Variants in SHC4 observed in about 807,000 individuals in gnomAD.
SHC4 encodes SHC adaptor protein 4, also known as SHC-transforming protein 4.
SHC4 carries 41 observed loss-of-function variants against 69.4 expected under a neutral mutation model. The ratio of observed to expected loss-of-function variants is 0.59; its 90% CI spans 0.46 to 0.77. SHC4 has a LOEUF of 0.77. Among genes scored for constraint, SHC4 ranks in the 30% least tolerant of loss-of-function variants. The probability of loss-of-function intolerance (pLI) is 0.00; values close to 1 mark genes in which losing one functional copy is unlikely to be tolerated. For synonymous variants in SHC4, 318 were observed against 299.3 expected (o/e 1.06, Z -0.64); for missense variants, 777 against 783.8 (o/e 0.99, Z 0.10).
At chr15:48,924,746 G>A (rs751734170) in intron 2 of SHC4, 133 bp downstream of exon 2, 3 of 852,016 alleles carry the variant, frequency 3.5e-6, no homozygotes, top group African/African-American at 1.7e-5. Flanking sequence ...GTCACTGGGC[G>A]AGCCTTCTAC....
chr15:48,896,496 T>G (rs1235539453), intron 2 of SHC4, among the ~76,000 whole-genome samples: 1 of 152,086 alleles, frequency 6.6e-6, no homozygotes, highest in African/African-American at 2.4e-5. Flanking sequence ...AATTTTTGTA[T>G]TTTTAGTAGA....
At chr15:48,878,541 A>G (rs775595291) in intron 4 of SHC4, 45 of 1,613,954 alleles carry the variant, frequency 2.8e-5, no homozygotes, top group Non-Finnish European at 3.6e-5. Flanking sequence ...GGTGCCGGCT[A>G]CAGAGTATCA....
At chr15:48,826,663 T>C (rs1175730360) in intron 11 of SHC4, among the ~76,000 whole-genome samples, 7 of 152,226 alleles carry the variant, frequency 4.6e-5, no homozygotes, top group Non-Finnish European at 7.3e-5. Flanking sequence ...TGCAGTATTA[T>C]TGTTTGGTAT....
At chr15:48,960,638 A>T (rs1901532147) in intron 1 of SHC4, among the ~76,000 whole-genome samples, 1 of 152,000 alleles carries the variant, frequency 6.6e-6, no homozygotes, top group Admixed American at 6.5e-5. Flanking sequence ...GTCTGTTTGT[A>T]ATACTGAGAT....
intron 1 of SHC4, among the ~76,000 whole-genome samples, chr15:48,944,487 G>A (rs1693121983): frequency 6.6e-6 from 1 of 152,078 alleles, no homozygotes; most frequent in South Asian, 2.1e-4. Flanking sequence ...TATGATGCTG[G>A]GTGCTCTAGC....
At chr15:48,848,319 G>A (rs757189823) in intron 9 of SHC4, among the ~76,000 whole-genome samples, 8 of 152,068 alleles carry the variant, frequency 5.3e-5, no homozygotes, top group African/African-American at 1.2e-4. Flanking sequence ...AGTGATTTAC[G>A]GGGGAGCAAA....
chr15:48,955,411 G>A (rs1322974312), intron 1 of SHC4, among the ~76,000 whole-genome samples: 1 of 152,114 alleles, frequency 6.6e-6, no homozygotes, highest in Non-Finnish European at 1.5e-5. Context: ...TCCAGGCTTG[G>A]TTCGGTCCCT....
At chr15:48,836,085 T>TG (rs1389835259) in intron 10 of SHC4, among the ~76,000 whole-genome samples, 3 of 148,222 alleles carry the variant, frequency 2.0e-5, no homozygotes, top group African/African-American at 7.5e-5. Flanking sequence ...CCCAGCTACT[T>TG]GGGGGGCTGA....
intron 1 of SHC4, among the ~76,000 whole-genome samples, chr15:48,955,116 C>A (rs747551454): frequency 6.6e-6 from 1 of 152,132 alleles, no homozygotes; most frequent in Non-Finnish European, 1.5e-5. Context: ...TTTCCTGCAG[C>A]CCCCAGTACT....
intron 1 of SHC4, among the ~76,000 whole-genome samples, chr15:48,957,913 A>T (rs2141042919): frequency 6.6e-6 from 1 of 152,374 alleles, no homozygotes; most frequent in African/African-American, 2.4e-5. Flanking sequence ...GATTGGAGTG[A>T]TGCATCTACA....
At chr15:48,887,821 T>C (rs1392322043) in intron 3 of SHC4, among the ~76,000 whole-genome samples, 1 of 152,160 alleles carries the variant, frequency 6.6e-6, no homozygotes, top group Non-Finnish European at 1.5e-5. Context: ...AGTGAAGACA[T>C]TACTACCAAT....
At chr15:48,913,493 G>T (rs1205662689) in intron 2 of SHC4, among the ~76,000 whole-genome samples, 1 of 152,122 alleles carries the variant, frequency 6.6e-6, no homozygotes, top group African/African-American at 2.4e-5. Context: ...AGCGACAGGG[G>T]CTTGAAAACC....
chr15:48,842,389 C>A (rs1361586057), intron 10 of SHC4, among the ~76,000 whole-genome samples: 1 of 152,168 alleles, frequency 6.6e-6, no homozygotes, highest in Non-Finnish European at 1.5e-5. Context: ...GCCTTGACAG[C>A]CCTACTTTCA....
chr15:48,918,434 C>A (rs572038416), intron 2 of SHC4, among the ~76,000 whole-genome samples: 1 of 152,170 alleles, frequency 6.6e-6, no homozygotes, highest in Non-Finnish European at 1.5e-5. Flanking sequence ...GTTCTTCCTT[C>A]TAATTTTTCC....
intron 2 of SHC4, among the ~76,000 whole-genome samples, chr15:48,893,421 T>C (rs192064731): frequency 1.3e-5 from 2 of 152,332 alleles, no homozygotes; most frequent in Admixed American, 6.5e-5. Context: ...TACTCAACTC[T>C]GCCATTGTAG....
chr15:48,872,537 G>C (rs1033720468), intron 4 of SHC4, among the ~76,000 whole-genome samples: 3 of 152,218 alleles, frequency 2.0e-5, no homozygotes, highest in Admixed American at 2.0e-4. Flanking sequence ...TGTGAGAAAA[G>C]TCTGCTGGAA....
intron 1 of SHC4, among the ~76,000 whole-genome samples, chr15:48,939,378 G>A (rs1472169780): frequency 6.6e-6 from 1 of 152,198 alleles, no homozygotes; most frequent in African/African-American, 2.4e-5. Flanking sequence ...TCCAGACAAT[G>A]GGCACAGCAT....
intron 2 of SHC4, among the ~76,000 whole-genome samples, chr15:48,899,176 A>G (rs1040365555): frequency 5.9e-5 from 9 of 152,300 alleles, no homozygotes; most frequent in African/African-American, 2.2e-4. Context: ...AAGATATTTA[A>G]AACAGTTTGG....
intron 2 of SHC4, among the ~76,000 whole-genome samples, chr15:48,918,308 A>T (rs1900669971): frequency 6.6e-6 from 1 of 152,168 alleles, no homozygotes. Flanking sequence ...TGTGGTGTCC[A>T]TAGGACATTC....
Sources: gnomAD v4.1 joint callset for allele counts (sites outside exome capture counted in the v4.1 genomes callset) on GRCh38, gnomAD v4.1.1 for gene constraint, MANE v1.5 for transcripts, NCBI Gene and HGNC (gene_info 2026-07-23, HGNC 2026-07-21) for gene names.